The following GSE1 variants were observed in gnomAD, a reference collection of about 807,000 sequenced individuals.
GSE1 encodes Gse1 coiled-coil protein.
In GSE1, 32 loss-of-function variants were observed where a neutral mutation model predicts 112.6. That is an observed-to-expected ratio of 0.28 (90% CI 0.21 to 0.38). GSE1 has a LOEUF of 0.38. GSE1 is among the 10% of genes least tolerant of loss of function. The pLI is 1.00. For synonymous variants in GSE1, 1,115 were observed against 735.6 expected (o/e 1.52, Z -8.35); for missense variants, 2,348 against 1,699.2 (o/e 1.38, Z -6.71).
At chr16:85,375,598 G>C (rs2170848) in intron 2 of GSE1, among the ~76,000 whole-genome samples, 135,414 of 152,198 alleles carry the variant, frequency 0.89, 62,463 homozygotes, top group East Asian at 1. Flanking sequence ...TGGTGTTCAA[G>C]CAGGTATAGG....
intron 2 of GSE1, among the ~76,000 whole-genome samples, chr16:85,486,967 C>T (rs1480149643): frequency 6.6e-6 from 1 of 152,152 alleles, no homozygotes; most frequent in Non-Finnish European, 1.5e-5. Flanking sequence ...GCCCTGTGCC[C>T]ACCTCAGTAT....
chr16:85,649,432 C>T (rs1033615759), intron 3 of GSE1, among the ~76,000 whole-genome samples: 24 of 152,344 alleles, frequency 1.6e-4, no homozygotes, highest in African/African-American at 5.5e-4. Flanking sequence ...AACAAGACAT[C>T]TGGTGGGTTT....
intron 2 of GSE1, among the ~76,000 whole-genome samples, chr16:85,644,512 G>C (rs898259901): frequency 6.6e-6 from 1 of 152,192 alleles, no homozygotes; most frequent in African/African-American, 2.4e-5. Flanking sequence ...CTTAGGTGCT[G>C]CAATGTGGAT....
At chr16:85,294,353 A>G (rs928589864) in intron 1 of GSE1, among the ~76,000 whole-genome samples, 20 of 152,164 alleles carry the variant, frequency 1.3e-4, no homozygotes, top group African/African-American at 4.8e-4. Flanking sequence ...CTGCGCTTAA[A>G]GTGTGAGGTT....
intron 2 of GSE1, among the ~76,000 whole-genome samples, chr16:85,536,331 G>C (rs2044325655): frequency 1.3e-5 from 2 of 152,214 alleles, no homozygotes; most frequent in African/African-American, 4.8e-5. Flanking sequence ...GTAAGTAACA[G>C]TGGAGTTGGC....
At chr16:85,611,417 G>A (rs890363197), upstream of GSE1, 13 of 972,990 alleles carry the variant, frequency 1.3e-5, no homozygotes, top group South Asian at 2.9e-4. Flanking sequence ...CCACCGTGTG[G>A]TGCGTAAATT....
At chr16:85,357,609 C>G in exon 2 of GSE1, 1 of 1,289,018 alleles carries the variant, frequency 7.8e-7, no homozygotes, top group Non-Finnish European at 1.0e-6. Flanking sequence ...TGCAGAGCAG[C>G]CGGGAGGAGG....
At chr16:85,370,662 A>G (rs2047278712) in intron 2 of GSE1, among the ~76,000 whole-genome samples, 1 of 133,724 alleles carries the variant, frequency 7.5e-6, no homozygotes, top group African/African-American at 2.9e-5. Flanking sequence ...CCTCCCTCCC[A>G]TGGGGACGGC....
At chr16:85,367,427 A>G (rs1346135181) in intron 2 of GSE1, among the ~76,000 whole-genome samples, 1 of 152,238 alleles carries the variant, frequency 6.6e-6, no homozygotes, top group Non-Finnish European at 1.5e-5. Flanking sequence ...CACCAGACAC[A>G]ACCCCTGCCC....
chr16:85,579,411 G>C (rs1043041686), intron 1 of GSE1, among the ~76,000 whole-genome samples: 7 of 152,208 alleles, frequency 4.6e-5, no homozygotes, highest in Admixed American at 1.3e-4. Flanking sequence ...CTTGGGGAGG[G>C]CGCTTTGTAT....
At chr16:85,651,683 C>T (rs1312353848) in intron 3 of GSE1, among the ~76,000 whole-genome samples, 1 of 152,200 alleles carries the variant, frequency 6.6e-6, no homozygotes, top group African/African-American at 2.4e-5. Context: ...GTCCTCCAGC[C>T]CTCTTCTGAC....
At chr16:85,293,558 A>G (rs76806626) in intron 1 of GSE1, among the ~76,000 whole-genome samples, 1 of 152,072 alleles carries the variant, frequency 6.6e-6, no homozygotes, top group South Asian at 2.1e-4. Flanking sequence ...TCAAAAAAAA[A>G]TTTTTTTTAA....
intron 1 of GSE1, among the ~76,000 whole-genome samples, chr16:85,305,656 A>G (rs1285749994): frequency 2.6e-5 from 4 of 151,602 alleles, no homozygotes; most frequent in Non-Finnish European, 5.9e-5. Context: ...CTAATTTTGT[A>G]TTTTTAACGG....
At position 85,661,461 on chromosome 16, in the gene GSE1, T is replaced by TCCG. The variant is rs2052423456; in HGVS notation, c.1962_1964dup (p.Pro656dup). On this transcript the variant is annotated inframe_insertion, in exon 9 of 16. Transcript: ENST00000253458. ...CCCCTCTGGACAAGTACCAGCCACC[T>TCCG]CCGCCGCCACCACGAGAGGGAGGGA... The TCCG allele has an allele frequency of 6.2e-7, 1 of 1,611,220 alleles. No individual in the cohort carries two copies. The highest frequency in any genetic ancestry group is 8.5e-7 in the Non-Finnish European group (1 of 1,179,316).
chr16:85,514,370 C>T (rs904386028), intron 2 of GSE1, among the ~76,000 whole-genome samples: 11 of 151,020 alleles, frequency 7.3e-5, no homozygotes, highest in South Asian at 2.1e-4. Context: ...GGACACCACC[C>T]CCCCATCCTT....
At chr16:85,603,881 G>C (rs1223651034) in intron 1 of GSE1, among the ~76,000 whole-genome samples, 3 of 152,130 alleles carry the variant, frequency 2.0e-5, no homozygotes, top group Non-Finnish European at 2.9e-5. Context: ...ACAGTTCAGC[G>C]GCATTTAGTA....
intron 1 of GSE1, among the ~76,000 whole-genome samples, chr16:85,217,788 AT>A (rs1377575492): frequency 6.6e-6 from 1 of 151,850 alleles, no homozygotes. Flanking sequence ...TCCTCCCCGA[AT>A]CCTCTTCCTC....
chr16:85,183,230 CTCAT>C (rs1269673428), intron 1 of GSE1, among the ~76,000 whole-genome samples: 5 of 152,190 alleles, frequency 3.3e-5, no homozygotes, highest in East Asian at 1.9e-4. Context: ...CACACCCTCT[CTCAT>C]TCATGCACAC....
intron 1 of GSE1, among the ~76,000 whole-genome samples, chr16:85,301,644 C>G (rs1003115534): frequency 9.9e-5 from 15 of 152,206 alleles, no homozygotes; most frequent in Admixed American, 6.5e-5. Context: ...ACATCTGTCC[C>G]TCGTCTCGGC....
Sources: gnomAD v4.1 joint callset for allele counts (sites outside exome capture counted in the v4.1 genomes callset) on GRCh38, gnomAD v4.1.1 for gene constraint, MANE v1.5 for transcripts, NCBI Gene and HGNC (gene_info 2026-07-23, HGNC 2026-07-21) for gene names.